Variants in IGF1R observed in about 807,000 individuals in gnomAD.
IGF1R encodes the protein insulin like growth factor 1 receptor, also known as insulin-like growth factor 1 receptor.
In IGF1R, 44 loss-of-function variants were observed where a neutral mutation model predicts 144.6. The observed-to-expected ratio is 0.30, with a 90% CI of 0.24 to 0.39. The LOEUF is 0.39. Among genes scored for constraint, IGF1R ranks in the 10% least tolerant of loss-of-function variants. IGF1R has a pLI of 1.00. For synonymous variants in IGF1R, 795 were observed against 722.8 expected (o/e 1.10, Z -1.60); for missense variants, 1,355 against 1,833.7 (o/e 0.74, Z 4.77).
At chr15:98,867,253 C>T (rs1399999718) in intron 2 of IGF1R, among the ~76,000 whole-genome samples, 1 of 151,814 alleles carries the variant, frequency 6.6e-6, no homozygotes, top group African/African-American at 2.4e-5. Flanking sequence ...GCAACAAAAG[C>T]CACTTTCTGA....
At chr15:98,868,344 A>AAAAAG (rs1555454784) in intron 2 of IGF1R, among the ~76,000 whole-genome samples, 9 of 132,802 alleles carry the variant, frequency 6.8e-5, no homozygotes, top group African/African-American at 2.4e-4. Flanking sequence ...AAAAAAAAAA[A>AAAAAG]GCCAAATCTG....
In IGF1R at chr15:98,798,936, T is replaced by C. The variant is rs1289922635; in HGVS notation, c.640+90829T>C. Among the ~76,000 whole-genome samples, 5 of 152,162 alleles carry C rather than the reference T, an allele frequency of 3.3e-5. No individual in the cohort carries two copies. In the East Asian group the frequency reaches 9.6e-4, roughly 29 times the overall value. ...TCGTTCTGCTATTAGAGCCATGTTATAAATGAAGAAACTGAGGCACAGAGA... is the reference window on the plus strand; with the variant it reads ...TCGTTCTGCTATTAGAGCCATGTTACAAATGAAGAAACTGAGGCACAGAGA... On this transcript the variant is annotated intron_variant, in intron 2 of 20. Transcript: ENST00000650285.
chr15:98,655,580 A>C (rs2141168018), intron 1 of IGF1R, among the ~76,000 whole-genome samples: 1 of 152,288 alleles, frequency 6.6e-6, no homozygotes, highest in South Asian at 2.1e-4. Context: ...TTGATACTGT[A>C]AAATGTCTTA....
chr15:98,818,676 G>A (rs2056745507), intron 2 of IGF1R, among the ~76,000 whole-genome samples: 1 of 152,052 alleles, frequency 6.6e-6, no homozygotes, highest in Non-Finnish European at 1.5e-5. Flanking sequence ...GTGGGGGGCT[G>A]TCCTGTGTAT....
intron 1 of IGF1R, among the ~76,000 whole-genome samples, chr15:98,656,507 C>T (rs990473069): frequency 1.3e-5 from 2 of 152,174 alleles, no homozygotes; most frequent in Admixed American, 1.3e-4. Context: ...CAAGATGATG[C>T]CACTGCACTC....
chr15:98,818,477 T>G (rs912175517), intron 2 of IGF1R, among the ~76,000 whole-genome samples: 1 of 151,438 alleles, frequency 6.6e-6, no homozygotes, highest in Non-Finnish European at 1.5e-5. Context: ...AGGAAGCTGC[T>G]GGGACCGTGC....
chr15:98,958,481 T>G lies in IGF1R; in HGVS notation c.*1039T>G, dbSNP rs995066839. 3.9e-5 allele frequency: 9 copies of G among 231,414 alleles called. No homozygotes were observed. Among genetic ancestry groups the G allele is most frequent in the Non-Finnish European group, 6.9e-5 (8 of 116,770 alleles). 14.3% of individuals were successfully genotyped at this position (231,414 alleles called of 1,614,324 possible). The stretch of plus-strand genomic sequence containing the variant: ...ACTCAGCCCCACTGTTGATGCAGGT[T>G]TGCAAGGAAAGAAATTCAAACACCA... On this transcript the variant is annotated 3_prime_UTR_variant, in exon 21 of 21. Coordinates refer to ENST00000650285, the MANE Select transcript of IGF1R (RefSeq NM_000875.5).
intron 2 of IGF1R, among the ~76,000 whole-genome samples, chr15:98,772,324 A>G (rs1027312500): frequency 4.0e-5 from 6 of 151,870 alleles, no homozygotes; most frequent in Non-Finnish European, 5.9e-5. Context: ...AAAATCACTG[A>G]TATTTTTGAT....
At chr15:98,743,647 G>A (rs1349728039) in intron 2 of IGF1R, among the ~76,000 whole-genome samples, 1 of 152,184 alleles carries the variant, frequency 6.6e-6, no homozygotes, top group East Asian at 1.9e-4. Context: ...CATGTTGAGG[G>A]TTTTGTCTTC....
chr15:98,690,900 T>C (rs1323004752), intron 1 of IGF1R, among the ~76,000 whole-genome samples: 1 of 152,216 alleles, frequency 6.6e-6, no homozygotes, highest in Non-Finnish European at 1.5e-5. Context: ...TAAAAAAACA[T>C]TTAAATAGAT....
intron 2 of IGF1R, among the ~76,000 whole-genome samples, chr15:98,882,130 C>G (rs536110948): frequency 4.7e-4 from 72 of 152,190 alleles, no homozygotes; most frequent in Non-Finnish European, 9.1e-4. Flanking sequence ...CAGACTGCCT[C>G]TGTACTGTTA....
At chr15:98,843,270 G>A (rs2011208449) in intron 2 of IGF1R, among the ~76,000 whole-genome samples, 1 of 152,120 alleles carries the variant, frequency 6.6e-6, no homozygotes, top group Non-Finnish European at 1.5e-5. Context: ...ATTGGTATTA[G>A]TGAAATTCCC....
At chr15:98,740,363 A>G (rs1309160423) in intron 2 of IGF1R, among the ~76,000 whole-genome samples, 1 of 152,234 alleles carries the variant, frequency 6.6e-6, no homozygotes, top group Non-Finnish European at 1.5e-5. Context: ...ACTAAGAGTA[A>G]ATGCAGGCTG....
At chr15:98,877,456 C>T (rs1413988555) in intron 2 of IGF1R, among the ~76,000 whole-genome samples, 1 of 141,114 alleles carries the variant, frequency 7.1e-6, no homozygotes, top group Non-Finnish European at 1.5e-5. Context: ...CTGCTTCTGG[C>T]ATTGGGAAAG....
chr15:98,920,491 C>T (rs1436048037), intron 10 of IGF1R, among the ~76,000 whole-genome samples: 1 of 152,198 alleles, frequency 6.6e-6, no homozygotes, highest in Non-Finnish European at 1.5e-5. Flanking sequence ...CAACTTCTGA[C>T]AGACACAAGT....
At chr15:98,733,069 T>G (rs2054530134) in intron 2 of IGF1R, among the ~76,000 whole-genome samples, 1 of 152,110 alleles carries the variant, frequency 6.6e-6, no homozygotes, top group African/African-American at 2.4e-5. Flanking sequence ...CAGAAAGATG[T>G]CTACGTGTGG....
chr15:98,925,413 G>T (rs137956157), intron 13 of IGF1R, among the ~76,000 whole-genome samples: 258 of 152,334 alleles, frequency 1.7e-3, no homozygotes, highest in African/African-American at 5.9e-3. Flanking sequence ...GGTGAAATTA[G>T]TTCTGTGTTG....
At chr15:98,656,711 T>C (rs1380261604) in intron 1 of IGF1R, among the ~76,000 whole-genome samples, 1 of 152,172 alleles carries the variant, frequency 6.6e-6, no homozygotes, top group Non-Finnish European at 1.5e-5. Context: ...ATCTCACTCC[T>C]CAGTCTTAGC....
intron 1 of IGF1R, among the ~76,000 whole-genome samples, chr15:98,659,045 TC>T (rs1487521407): frequency 6.6e-6 from 1 of 152,246 alleles, no homozygotes; most frequent in Non-Finnish European, 1.5e-5. Context: ...CTGCTACTGT[TC>T]TTAGGGTTGT....
Sources: gnomAD v4.1 joint callset for allele counts (sites outside exome capture counted in the v4.1 genomes callset) on GRCh38, gnomAD v4.1.1 for gene constraint, MANE v1.5 for transcripts, NCBI Gene and HGNC (gene_info 2026-07-23, HGNC 2026-07-21) for gene names.